Variants in ADAM12 observed in about 807,000 individuals in gnomAD.
ADAM12 encodes disintegrin and metalloproteinase domain-containing protein 12.
In ADAM12, 70 loss-of-function variants were observed where a neutral mutation model predicts 106.4. The ratio of observed to expected loss-of-function variants is 0.66; its 90% CI spans 0.54 to 0.80. The LOEUF (loss-of-function observed/expected upper bound fraction) is 0.80, where lower values mean the gene tolerates loss of function less well. Among genes scored for constraint, ADAM12 ranks in the 30% least tolerant of loss-of-function variants. The probability of loss-of-function intolerance (pLI) is 0.00; values close to 1 mark genes in which losing one functional copy is unlikely to be tolerated. For synonymous variants in ADAM12, 420 were observed against 433.5 expected (o/e 0.97, Z 0.39); for missense variants, 1,010 against 1,171.9 (o/e 0.86, Z 2.02).
chr10:126,143,868 T>C (rs1239661395), intron 4 of ADAM12, among the ~76,000 whole-genome samples: 1 of 152,138 alleles, frequency 6.6e-6, no homozygotes, highest in Non-Finnish European at 1.5e-5. Context: ...CCCAACATAC[T>C]ACATGTTTGC....
chr10:126,105,511 G>C (rs11244813), intron 8 of ADAM12, among the ~76,000 whole-genome samples: 1 of 152,138 alleles, frequency 6.6e-6, no homozygotes, highest in African/African-American at 2.4e-5. Context: ...TAAGCCTTCC[G>C]CCCTCTAGGC....
At chr10:126,365,449 T>A (rs1404723511) in intron 1 of ADAM12, among the ~76,000 whole-genome samples, 1 of 152,074 alleles carries the variant, frequency 6.6e-6, no homozygotes, top group Non-Finnish European at 1.5e-5. Context: ...AAGGGGTGTA[T>A]CAGTCTGTTC....
chr10:126,265,146 G>A (rs1959073391), intron 3 of ADAM12, among the ~76,000 whole-genome samples: 1 of 152,152 alleles, frequency 6.6e-6, no homozygotes, highest in African/African-American at 2.4e-5. Context: ...CCCTCAGCAG[G>A]GGGCTGTGCA....
chr10:126,203,697 A>G (rs1317208089), intron 3 of ADAM12, among the ~76,000 whole-genome samples: 7 of 152,234 alleles, frequency 4.6e-5, no homozygotes, highest in African/African-American at 1.7e-4. Flanking sequence ...CTTTTGAGGT[A>G]AAATTTTCCT....
At chr10:126,155,646 C>A (rs1280643112) in intron 3 of ADAM12, among the ~76,000 whole-genome samples, 1 of 152,176 alleles carries the variant, frequency 6.6e-6, no homozygotes, top group South Asian at 2.1e-4. Context: ...TATACTCTTC[C>A]ATGAATAGTA....
At chr10:126,301,205 A>G (rs1414005689) in intron 2 of ADAM12, among the ~76,000 whole-genome samples, 1 of 152,192 alleles carries the variant, frequency 6.6e-6, no homozygotes, top group Admixed American at 6.5e-5. Context: ...ATCGCTAAGA[A>G]ACCCTGGTTT....
chr10:126,241,582 T>C (rs1348793220), intron 3 of ADAM12, among the ~76,000 whole-genome samples: 1 of 152,218 alleles, frequency 6.6e-6, no homozygotes, highest in Non-Finnish European at 1.5e-5. Flanking sequence ...TTTCTGTTTA[T>C]AAGACATGTT....
chr10:126,280,647 G>C (rs1262939728), intron 2 of ADAM12, among the ~76,000 whole-genome samples: 1 of 152,130 alleles, frequency 6.6e-6, no homozygotes, highest in African/African-American at 2.4e-5. Context: ...GTAAAATTAG[G>C]TACAAACTCA....
At chr10:126,231,878 T>G (rs1958319102) in intron 3 of ADAM12, among the ~76,000 whole-genome samples, 1 of 152,168 alleles carries the variant, frequency 6.6e-6, no homozygotes, top group Non-Finnish European at 1.5e-5. Flanking sequence ...TTTAGGTGAC[T>G]CGGTCTAGCC....
chr10:126,252,880 A>G (rs1958814587), intron 3 of ADAM12, among the ~76,000 whole-genome samples: 1 of 152,156 alleles, frequency 6.6e-6, no homozygotes, highest in Non-Finnish European at 1.5e-5. Flanking sequence ...TGCAGAGCTG[A>G]TGCCTTAGCC....
Position 126,036,266 on chromosome 10 carries a change from G to T in ADAM12, c.2409C>A (p.Gly803=). The T allele has an allele frequency of 6.4e-7, 1 of 1,559,770 alleles. No individual in the cohort carries two copies. The highest frequency in any genetic ancestry group is 8.6e-7 in the Non-Finnish European group (1 of 1,159,294). ...TTGACTGGGGCTGAGGGACATTCAGGCCGTTGAGGGGTCTGCTGATGTCAA... is the reference window on the plus strand; with the variant it reads ...TTGACTGGGGCTGAGGGACATTCAGTCCGTTGAGGGGTCTGCTGATGTCAA... ...QNVDISRPLN[G]LNVPQPQSTQ... Residue 803 remains glycine, a synonymous_variant, in exon 21 of 23, where the codon GGC becomes GGA. Transcript: ENST00000448723.
intron 21 of ADAM12, among the ~76,000 whole-genome samples, chr10:126,021,162 T>G (rs1489571531): frequency 6.6e-6 from 1 of 152,268 alleles, no homozygotes; most frequent in South Asian, 2.1e-4. Flanking sequence ...ATGTCTTGTC[T>G]TTGAAGCCCG....
At chr10:126,181,289 C>T (rs1218612613) in intron 3 of ADAM12, among the ~76,000 whole-genome samples, 1 of 152,060 alleles carries the variant, frequency 6.6e-6, no homozygotes, top group Non-Finnish European at 1.5e-5. Context: ...CGAGGCTGAC[C>T]TCCAACTCCT....
intron 2 of ADAM12, among the ~76,000 whole-genome samples, chr10:126,306,675 T>G (rs555247301): frequency 1.3e-5 from 2 of 152,246 alleles, no homozygotes; most frequent in African/African-American, 4.8e-5. Context: ...TTCTTACATC[T>G]TGACCTTCCA....
chr10:126,346,517 T>C (rs548948467), intron 1 of ADAM12, among the ~76,000 whole-genome samples: 1 of 152,216 alleles, frequency 6.6e-6, no homozygotes, highest in South Asian at 2.1e-4. Context: ...GGGTGGAGAG[T>C]TCTGTAGATG....
intron 18 of ADAM12, among the ~76,000 whole-genome samples, 162 bp downstream of exon 18, chr10:126,042,878 G>A (rs1372872260): frequency 6.6e-6 from 1 of 152,222 alleles, no homozygotes; most frequent in Non-Finnish European, 1.5e-5. Context: ...AGGGATGAGA[G>A]GGGCATCTGG....
At chr10:126,243,321 A>G (rs1958564063) in intron 3 of ADAM12, among the ~76,000 whole-genome samples, 1 of 152,224 alleles carries the variant, frequency 6.6e-6, no homozygotes, top group South Asian at 2.1e-4. Flanking sequence ...AACTATGGAT[A>G]TCAATTTTGA....
At chr10:126,022,306 G>A (rs960563106) in intron 21 of ADAM12, among the ~76,000 whole-genome samples, 8 of 152,280 alleles carry the variant, frequency 5.3e-5, no homozygotes, top group African/African-American at 1.7e-4. Context: ...TGACTGAGAC[G>A]CTGATTGAAG....
intron 11 of ADAM12, among the ~76,000 whole-genome samples, chr10:126,084,234 C>T (rs1283782408): frequency 6.6e-6 from 1 of 152,166 alleles, no homozygotes; most frequent in African/African-American, 2.4e-5. Flanking sequence ...AGCTTCTGGA[C>T]GTTACCAGAA....
Sources: allele counts gnomAD v4.1 joint callset (sites outside exome capture counted in the v4.1 genomes callset), GRCh38; gene constraint gnomAD v4.1.1; transcripts MANE v1.5; gene names NCBI Gene and HGNC (gene_info 2026-07-23, HGNC 2026-07-21).